SUPT3H: variants seen among roughly 807,000 people sequenced by gnomAD.
SUPT3H encodes the protein SPT3 homolog, SAGA and STAGA complex component, also known as transcription initiation protein SPT3 homolog.
SUPT3H carries 44 observed loss-of-function variants against 44.3 expected under a neutral mutation model. The ratio of observed to expected loss-of-function variants is 0.99; its 90% confidence interval spans 0.78 to 1.28. SUPT3H has a LOEUF of 1.28. SUPT3H is among the 50% of genes most tolerant of loss of function. The pLI is 0.00. For missense variants in SUPT3H, 380 were observed against 387.1 expected (o/e 0.98, Z 0.15); for synonymous variants, 124 against 125.6 (o/e 0.99, Z 0.09).
chr6:45,306,773 T>C (rs1454115465), intron 2 of SUPT3H, among the ~76,000 whole-genome samples: 4 of 152,040 alleles, frequency 2.6e-5, no homozygotes, highest in Non-Finnish European at 5.9e-5. Context: ...CACTGAGGCT[T>C]GTCAGACAGT....
chr6:45,028,258 C>T (rs1786338508), intron 3 of SUPT3H, among the ~76,000 whole-genome samples: 1 of 152,312 alleles, frequency 6.6e-6, no homozygotes, highest in African/African-American at 2.4e-5. Flanking sequence ...CAGAATGGCA[C>T]AGGGGTAGCT....
At chr6:45,265,309 T>C (rs1419206864) in intron 2 of SUPT3H, among the ~76,000 whole-genome samples, 1 of 152,148 alleles carries the variant, frequency 6.6e-6, no homozygotes, top group Admixed American at 6.6e-5. Context: ...CTTTGTTATA[T>C]CACAAAAGAA....
At chr6:45,242,543 A>G (rs1770559928) in intron 2 of SUPT3H, among the ~76,000 whole-genome samples, 1 of 152,244 alleles carries the variant, frequency 6.6e-6, no homozygotes, top group Admixed American at 6.5e-5. Flanking sequence ...GAGTGTAGAC[A>G]TCACTGAATA....
At chr6:45,100,879 A>G (rs1798471669) in intron 3 of SUPT3H, among the ~76,000 whole-genome samples, 1 of 152,146 alleles carries the variant, frequency 6.6e-6, no homozygotes, top group South Asian at 2.1e-4. Context: ...TATGCCAAAG[A>G]TATATCTGTG....
intron 10 of SUPT3H, among the ~76,000 whole-genome samples, chr6:44,900,799 G>A (rs1308768639): frequency 6.6e-6 from 1 of 152,154 alleles, no homozygotes; most frequent in Non-Finnish European, 1.5e-5. Context: ...CACCTCACAC[G>A]GCCGGGTACT....
intron 3 of SUPT3H, among the ~76,000 whole-genome samples, chr6:45,087,791 G>A (rs1796657581): frequency 6.6e-6 from 1 of 151,668 alleles, no homozygotes; most frequent in African/African-American, 2.4e-5. Flanking sequence ...ACATTACTAT[G>A]TACTTATGAA....
chr6:45,238,922 A>C (rs1173256661), intron 2 of SUPT3H, among the ~76,000 whole-genome samples: 1 of 152,176 alleles, frequency 6.6e-6, no homozygotes, highest in African/African-American at 2.4e-5. Context: ...CAATTTTTGA[A>C]ATTAACTAAT....
At chr6:45,245,788 T>C (rs1771231829) in intron 2 of SUPT3H, among the ~76,000 whole-genome samples, 1 of 152,160 alleles carries the variant, frequency 6.6e-6, no homozygotes, top group South Asian at 2.1e-4. Flanking sequence ...TCAATTCTTT[T>C]GGGTATATAA....
At position 45,049,662 on chromosome 6, in the gene SUPT3H, A is replaced by G. The variant is rs114504391; in HGVS notation, c.187-29030T>C. Among the ~76,000 whole-genome samples, 723 of 152,278 alleles carry G rather than the reference A, an allele frequency of 4.7e-3. 9 individuals are homozygous for G. The highest frequency in any genetic ancestry group is 0.016 in the African/African-American group (675 of 41,556). On this transcript the variant is annotated intron_variant, in intron 3 of 10. Transcript: ENST00000371459. ...GCCTTGGTTAAAGTAGTCTTTGAGT[A>G]TACACAAGTAGCTTCATTGTTTATA...
At chr6:44,916,608 G>A (rs1767843286) in intron 10 of SUPT3H, among the ~76,000 whole-genome samples, 1 of 152,114 alleles carries the variant, frequency 6.6e-6, no homozygotes, top group African/African-American at 2.4e-5. Context: ...TTTTTTGAAG[G>A]CTATAAAGAA....
intron 2 of SUPT3H, among the ~76,000 whole-genome samples, chr6:45,360,582 C>T (rs1794079599): frequency 6.6e-6 from 1 of 152,150 alleles, no homozygotes; most frequent in Admixed American, 6.5e-5. Flanking sequence ...TCTTTCACAG[C>T]TCATATCTTC....
chr6:45,276,446 G>A (rs1398037514), intron 2 of SUPT3H, among the ~76,000 whole-genome samples: 4 of 151,890 alleles, frequency 2.6e-5, no homozygotes, highest in Non-Finnish European at 5.9e-5. Context: ...GTTGCTTTAG[G>A]GTCTGTGAGA....
chr6:44,928,891 A>AAAAT (rs1770026161), intron 10 of SUPT3H, among the ~76,000 whole-genome samples: 2 of 122,178 alleles, frequency 1.6e-5, no homozygotes, highest in African/African-American at 7.9e-5. Flanking sequence ...TCAAAAAAAA[A>AAAAT]AAAAAAAAAA....
At chr6:45,289,905 G>T (rs1391185151) in intron 2 of SUPT3H, among the ~76,000 whole-genome samples, 3 of 152,154 alleles carry the variant, frequency 2.0e-5, no homozygotes, top group African/African-American at 7.2e-5. Context: ...TTAAAGTCCT[G>T]GTGCAATGGT....
At chr6:45,149,728 T>C (rs957416495) in intron 2 of SUPT3H, among the ~76,000 whole-genome samples, 2 of 152,090 alleles carry the variant, frequency 1.3e-5, no homozygotes, top group African/African-American at 4.8e-5. Context: ...CTAAGCAAAG[T>C]CTAAAAAATG....
chr6:44,928,882 C>CAAAAAAAAAAAAAAAAAAAAAAA lies in SUPT3H; in HGVS notation c.912+3770_912+3771insTTTTTTTTTTTTTTTTTTTTTTT, dbSNP rs35656937. Reference sequence around the variant, plus strand: ...TGGGCGACAGAACGAGACTCCGTCTCAAAAAAAAAAAAAAAAAAAAAAGAA... The same window carrying CAAAAAAAAAAAAAAAAAAAAAAA: ...TGGGCGACAGAACGAGACTCCGTCTCAAAAAAAAAAAAAAAAAAAAAAAAAAAAAAAAAAAAAAAAAAAAAGAA... On this transcript the variant is annotated intron_variant, in intron 10 of 10. Transcript: ENST00000371459. Among the ~76,000 whole-genome samples, 5 of 20,634 alleles carry CAAAAAAAAAAAAAAAAAAAAAAA rather than the reference C, an allele frequency of 2.4e-4. 1 individual carries two copies. The highest frequency in any genetic ancestry group is 9.4e-4 in the African/African-American group (3 of 3,178). The allele number at this position is 20,634 out of a possible 152,430, so 13.5% of individuals were successfully genotyped here. A position where few individuals can be genotyped will look rare whatever the true frequency, so the allele number is the denominator to read the frequency against.
chr6:44,843,562 C>G (rs1442935757), intron 10 of SUPT3H, among the ~76,000 whole-genome samples: 1 of 151,652 alleles, frequency 6.6e-6, no homozygotes, highest in African/African-American at 2.4e-5. Flanking sequence ...AAATCAACAC[C>G]AGAAAAAAAT....
intron 2 of SUPT3H, among the ~76,000 whole-genome samples, chr6:45,112,740 G>C (rs1178230679): frequency 6.6e-6 from 1 of 152,094 alleles, no homozygotes; most frequent in Non-Finnish European, 1.5e-5. Flanking sequence ...CAGCCTGCTG[G>C]GCCAGTCACC....
intron 10 of SUPT3H, among the ~76,000 whole-genome samples, chr6:44,840,143 C>G (rs1770709444): frequency 1.3e-5 from 2 of 152,212 alleles, no homozygotes; most frequent in South Asian, 4.1e-4. Context: ...TCTTGAGGAC[C>G]AGCTGCATAA....
Sources: allele counts gnomAD v4.1 joint callset (sites outside exome capture counted in the v4.1 genomes callset), GRCh38; gene constraint gnomAD v4.1.1; transcripts MANE v1.5; gene names NCBI Gene and HGNC (gene_info 2026-07-23, HGNC 2026-07-21).